Variants in EFCAB14 observed in about 807,000 individuals in gnomAD.
The protein encoded by EFCAB14 is EF-hand calcium binding domain 14.
EFCAB14 carries 43 observed loss-of-function variants against 56.5 expected under a neutral mutation model. The observed-to-expected ratio is 0.76, with a 90% confidence interval of 0.60 to 0.98. EFCAB14 has a LOEUF of 0.98. EFCAB14 is among the 50% of genes least tolerant of loss of function. The probability of loss-of-function intolerance (pLI) is 0.00; values close to 1 mark genes in which losing one functional copy is unlikely to be tolerated. For synonymous variants in EFCAB14, 235 were observed against 212.9 expected, an observed-to-expected ratio of 1.10 and a Z score of -0.90; for missense variants, 538 against 580.3, an observed-to-expected ratio of 0.93 and a Z score of 0.75.
At chr1:46,711,852 CT>C (rs1349704715) in intron 2 of EFCAB14, among the ~76,000 whole-genome samples, 2 of 152,110 alleles carry the variant, frequency 1.3e-5, no homozygotes, top group Non-Finnish European at 2.9e-5. Context: ...TATTCAACAA[CT>C]TGTTATTAAG....
At chr1:46,698,340 C>T (rs1418343635) in intron 3 of EFCAB14, among the ~76,000 whole-genome samples, 1 of 152,110 alleles carries the variant, frequency 6.6e-6, no homozygotes, top group Non-Finnish European at 1.5e-5. Flanking sequence ...ACAAATACTA[C>T]TGGACCCTAT....
intron 5 of EFCAB14, among the ~76,000 whole-genome samples, chr1:46,690,887 G>A (rs1455425602): frequency 6.6e-6 from 1 of 151,528 alleles, no homozygotes; most frequent in Non-Finnish European, 1.5e-5. Flanking sequence ...AAATTCTGAA[G>A]CTTGCAAAGA....
rs575737140 is a variant in EFCAB14, at chr1:46,695,020, T to C, written c.579+1531A>G. ...GCATGTTCTCACTCATAGGTGGGAA[T>C]TGAACAATGAGAACACTTGGACACA... On this transcript the variant is annotated intron_variant, in intron 4 of 10. Transcript: ENST00000371933. Among the ~76,000 whole-genome samples, 224 of 140,570 alleles carry C rather than the reference T, an allele frequency of 1.6e-3. 1 individual carries two copies. Among genetic ancestry groups the C allele is most frequent in the African/African-American group, 5.8e-3 (216 of 37,402 alleles). The allele number at this position is 140,570 out of a possible 152,430, so 92.2% of individuals were successfully genotyped here. A position where few individuals can be genotyped will look rare whatever the true frequency, so the allele number is the denominator to read the frequency against.
At chr1:46,680,885 TG>T (rs879485445) in intron 10 of EFCAB14, among the ~76,000 whole-genome samples, 8 of 152,180 alleles carry the variant, frequency 5.3e-5, no homozygotes, top group Admixed American at 3.3e-4. Flanking sequence ...TGAGCCAAAA[TG>T]ATTAGAGAAT....
chr1:46,716,407 C>A lies in EFCAB14; in HGVS notation c.222G>T (p.Pro74=), dbSNP rs201898632. The A allele has an allele frequency of 1.2e-6, 2 of 1,614,050 alleles. No homozygotes were observed. The highest frequency in any genetic ancestry group is 2.2e-5 in the South Asian group (2 of 91,078). Residue 74 remains proline, a synonymous_variant, in exon 2 of 11, where the codon CCG becomes CCT. Coordinates refer to ENST00000371933, the MANE Select transcript of EFCAB14 (RefSeq NM_014774.3). ...CAGCAAGGATGACAAAACCACAGAG[C>A]GGATAACAGATCTTGCAGCATCGTA... ...DYLRCCKICY[P]LCGFVILAAC... is the part of the protein sequence containing the mutation.
intron 8 of EFCAB14, among the ~76,000 whole-genome samples, chr1:46,686,312 T>C (rs1676880459): frequency 6.6e-6 from 1 of 152,156 alleles, no homozygotes. Context: ...AAATAGGAAA[T>C]AAATTTTAGA....
chr1:46,690,761 C>T (rs1676978229), intron 5 of EFCAB14, among the ~76,000 whole-genome samples: 2 of 152,088 alleles, frequency 1.3e-5, no homozygotes, highest in South Asian at 4.2e-4. Context: ...TCTGGGTTAG[C>T]CCCACTAAGT....
Position 46,678,373 on chromosome 1 carries a change from A to G in EFCAB14, c.*88T>C. Reference sequence around the variant, plus strand: ...AGTATCTGCTACAGTAGTTTGGAGGACTAGAGGACTGATGGGTAAGTAAGG... The same window carrying G: ...AGTATCTGCTACAGTAGTTTGGAGGGCTAGAGGACTGATGGGTAAGTAAGG... On this transcript the variant is annotated 3_prime_UTR_variant, in exon 11 of 11. Coordinates refer to ENST00000371933, the MANE Select transcript of EFCAB14 (RefSeq NM_014774.3). 7.1e-7 allele frequency: 1 copy of G among 1,399,600 alleles called. No individual in the cohort carries two copies. Among genetic ancestry groups the G allele is most frequent in the Non-Finnish European group, 9.9e-7 (1 of 1,011,322 alleles). The allele number at this position is 1,399,600 out of a possible 1,614,324, so 86.7% of individuals were successfully genotyped here.
At chr1:46,707,732 A>G (rs1262489043) in intron 3 of EFCAB14, among the ~76,000 whole-genome samples, 174 bp downstream of exon 3, 2 of 152,226 alleles carry the variant, frequency 1.3e-5, no homozygotes, top group African/African-American at 4.8e-5. Flanking sequence ...TGGTAAATGC[A>G]TAACTATTTT....
At chr1:46,694,098 A>C (rs1296291718) in intron 4 of EFCAB14, among the ~76,000 whole-genome samples, 19 of 152,232 alleles carry the variant, frequency 1.2e-4, no homozygotes, top group Admixed American at 2.0e-4. Context: ...TAAATACTTA[A>C]ATGTTAGACC....
chr1:46,716,619 T>A (rs990845198), intron 1 of EFCAB14, among the ~76,000 whole-genome samples, 176 bp from the exon 2 acceptor site: 6 of 152,204 alleles, frequency 3.9e-5, no homozygotes, highest in African/African-American at 1.4e-4. Flanking sequence ...TATTAAGGGT[T>A]CATCTACTGG....
chr1:46,683,130 G>A, intron 10 of EFCAB14, 170 bp downstream of exon 10: 1 of 697,932 alleles, frequency 1.4e-6, no homozygotes, highest in Non-Finnish European at 2.2e-6. Flanking sequence ...AAATACTTAT[G>A]TTCATGGGAT....
intron 10 of EFCAB14, 165 bp downstream of exon 10, chr1:46,683,135 T>C (rs1361714079): frequency 1.4e-6 from 1 of 731,042 alleles, no homozygotes. Flanking sequence ...CTTATGTTCA[T>C]GGGATGGTTA....
Position 46,678,514 on chromosome 1 carries a change from C to A in EFCAB14, c.1435G>T (p.Asp479Tyr). ...AGGAATGAGTATCTTCCATCTCCAT[C>A]GGAATCAAATGCTCTCAAGCTCTCT... Reference protein sequence around the residue: ...EPESLRAFDSDGDGRYSFLEL... With the variant: ...EPESLRAFDSYGDGRYSFLEL... The change falls in exon 11 of 11, where the codon GAT becomes TAT. Residue 479 changes from aspartate to tyrosine, a missense_variant. Asp to Tyr is a radical substitution (Grantham distance 160, BLOSUM62 -3). Transcript: ENST00000371933. 6.2e-7 allele frequency: 1 copy of A among 1,614,094 alleles called. No homozygotes were observed. Among genetic ancestry groups the A allele is most frequent in the Non-Finnish European group, 8.5e-7 (1 of 1,180,024 alleles).
At chr1:46,709,902 C>A (rs907418416) in intron 2 of EFCAB14, among the ~76,000 whole-genome samples, 1 of 152,102 alleles carries the variant, frequency 6.6e-6, no homozygotes, top group African/African-American at 2.4e-5. Context: ...GAAGGAGAAT[C>A]ATTTGAACCT....
intron 9 of EFCAB14, among the ~76,000 whole-genome samples, chr1:46,683,964 G>C (rs1056972728): frequency 2.0e-5 from 3 of 152,152 alleles, no homozygotes; most frequent in African/African-American, 7.2e-5. Flanking sequence ...AAAGGTCAAA[G>C]CTAACACAGT....
chr1:46,707,774 G>A, intron 3 of EFCAB14, 132 bp downstream of exon 3: 1 of 830,076 alleles, frequency 1.2e-6, no homozygotes, highest in South Asian at 2.3e-5. Context: ...ATTACAGTAT[G>A]CAAAACCCCA....
At chr1:46,694,085 G>A (rs1323729977) in intron 4 of EFCAB14, among the ~76,000 whole-genome samples, 1 of 152,174 alleles carries the variant, frequency 6.6e-6, no homozygotes, top group Non-Finnish European at 1.5e-5. Context: ...ATTCAAGATG[G>A]ATTAAATACT....
intron 7 of EFCAB14, among the ~76,000 whole-genome samples, chr1:46,688,090 C>G (rs1380426849): frequency 6.6e-6 from 1 of 152,174 alleles, no homozygotes; most frequent in Admixed American, 6.5e-5. Flanking sequence ...CTTGTCATCT[C>G]TGCCAACAAC....
Sources: allele counts gnomAD v4.1 joint callset (sites outside exome capture counted in the v4.1 genomes callset), GRCh38; gene constraint gnomAD v4.1.1; transcripts MANE v1.5; gene names NCBI Gene and HGNC (gene_info 2026-07-23, HGNC 2026-07-21).